The following SFMBT1 variants were observed in gnomAD, a reference collection of about 807,000 sequenced individuals.
SFMBT1 encodes Scm like with four mbt domains 1.
In SFMBT1, 32 loss-of-function variants were observed where a neutral mutation model predicts 108.7. That is an observed-to-expected ratio of 0.29 (90% CI 0.22 to 0.40). The LOEUF is 0.40. Ranked by LOEUF, SFMBT1 falls within the 10% of genes least tolerant of loss-of-function variation. SFMBT1 has a pLI of 1.00. For missense variants in SFMBT1, 816 were observed against 1,059.6 expected (o/e 0.77, Z 3.19); for synonymous variants, 348 against 369.5 (o/e 0.94, Z 0.67).
chr3:52,994,017 T>C (rs1013307209), intron 1 of SFMBT1, among the ~76,000 whole-genome samples: 5 of 150,410 alleles, frequency 3.3e-5, no homozygotes, highest in African/African-American at 1.2e-4. Context: ...ATCTTTATAA[T>C]ACAAGTAGAA....
chr3:52,935,386 A>G lies in SFMBT1; in HGVS notation c.365-485T>C, dbSNP rs568198102. On this transcript the variant is annotated intron_variant, in intron 4 of 20. Coordinates refer to ENST00000394752, the MANE Select transcript of SFMBT1 (RefSeq NM_016329.4). ...AACATGGCCATACCCATTTGTTTAC[A>G]TATTGTCTGTGGCTGCTTTCACACT... is the stretch of plus-strand genomic sequence containing the variant. 4.3e-4 allele frequency among the ~76,000 whole-genome samples: 65 copies of G among 152,346 alleles called. 1 individual carries two copies. The South Asian group carries it at 0.013, about 31-fold the overall frequency.
chr3:52,984,010 C>A (rs1704817281), intron 1 of SFMBT1, among the ~76,000 whole-genome samples: 1 of 152,130 alleles, frequency 6.6e-6, no homozygotes, highest in Non-Finnish European at 1.5e-5. Flanking sequence ...GTGTTGGTGG[C>A]TAGGTCTAGG....
chr3:52,912,045 T>C (rs138893305), intron 16 of SFMBT1, among the ~76,000 whole-genome samples: 41 of 152,240 alleles, frequency 2.7e-4, no homozygotes, highest in African/African-American at 9.4e-4. Context: ...ATTTTATAAA[T>C]GTATTGATCC....
intron 1 of SFMBT1, among the ~76,000 whole-genome samples, chr3:53,010,464 T>C (rs1698903246): frequency 6.6e-6 from 1 of 152,248 alleles, no homozygotes; most frequent in Non-Finnish European, 1.5e-5. Context: ...TGGTAAGCCC[T>C]TTCTAGTCCA....
At chr3:53,008,346 T>G (rs1348449432) in intron 1 of SFMBT1, among the ~76,000 whole-genome samples, 2 of 152,192 alleles carry the variant, frequency 1.3e-5, no homozygotes, top group African/African-American at 4.8e-5. Flanking sequence ...CTACTGTACT[T>G]GTAACTATTC....
chr3:52,919,295 T>C (rs9825369), intron 12 of SFMBT1, among the ~76,000 whole-genome samples: 86,649 of 142,142 alleles, frequency 0.61, 25,173 homozygotes, highest in East Asian at 0.68. Flanking sequence ...AACTGTTAAA[T>C]AGATAAACAA....
At chr3:53,025,610 G>A (rs1193572976) in intron 1 of SFMBT1, among the ~76,000 whole-genome samples, 1 of 151,526 alleles carries the variant, frequency 6.6e-6, no homozygotes, top group Non-Finnish European at 1.5e-5. Flanking sequence ...AGTGAACCCC[G>A]TCTTAAAAAA....
rs181635859 is a variant in SFMBT1, at chr3:53,002,091, G to T, written c.-130-32833C>A. On this transcript the variant is annotated intron_variant, in intron 1 of 20. Transcript: ENST00000394752. ...GTGCCATTTCTGAATTATAACAAAAGCAAGAGAGCTTAGAAATCATCCAGC... is the reference window on the plus strand; with the variant it reads ...GTGCCATTTCTGAATTATAACAAAATCAAGAGAGCTTAGAAATCATCCAGC... Among the ~76,000 whole-genome samples the T allele has an allele frequency of 1.1e-3, 167 of 150,088 alleles. 11 individuals are homozygous for T. The highest frequency in any genetic ancestry group is 7.8e-3 in the South Asian group (37 of 4,720).
At chr3:52,929,466 T>C (rs1433774496) in intron 8 of SFMBT1, among the ~76,000 whole-genome samples, 1 of 152,202 alleles carries the variant, frequency 6.6e-6, no homozygotes, top group Non-Finnish European at 1.5e-5. Context: ...CTTGAACTCC[T>C]GACCTCAGGT....
intron 3 of SFMBT1, among the ~76,000 whole-genome samples, chr3:52,952,006 C>A (rs1006086229): frequency 1.7e-4 from 26 of 152,244 alleles, no homozygotes; most frequent in African/African-American, 5.5e-4. Context: ...TATAAATGAA[C>A]AAAGAATAAT....
intron 17 of SFMBT1, among the ~76,000 whole-genome samples, 197 bp from the exon 18 acceptor site, chr3:52,907,930 A>G (rs1025623525): frequency 6.6e-6 from 1 of 152,186 alleles, no homozygotes; most frequent in Non-Finnish European, 1.5e-5. Context: ...CAAAGTATAT[A>G]GAACATCTTC....
intron 1 of SFMBT1, among the ~76,000 whole-genome samples, chr3:53,034,096 ATC>A (rs1422616226): frequency 2.4e-4 from 36 of 150,050 alleles, no homozygotes; most frequent in South Asian, 6.5e-4. Flanking sequence ...AAAAAAAAAA[ATC>A]AACAATTCCT....
chr3:53,008,145 TG>T (rs1395362547), intron 1 of SFMBT1, among the ~76,000 whole-genome samples: 2 of 151,122 alleles, frequency 1.3e-5, no homozygotes, highest in African/African-American at 4.9e-5. Flanking sequence ...GAATGGGGAA[TG>T]GGGGGGTGTG....
At chr3:53,000,220 C>A (rs1420802423) in intron 1 of SFMBT1, among the ~76,000 whole-genome samples, 3 of 146,366 alleles carry the variant, frequency 2.0e-5, no homozygotes, top group African/African-American at 7.4e-5. Context: ...CACGACACTT[C>A]GGTTTTATTC....
intron 2 of SFMBT1, among the ~76,000 whole-genome samples, chr3:52,956,714 T>C (rs913711083): frequency 4.6e-5 from 7 of 152,106 alleles, no homozygotes; most frequent in Admixed American, 4.6e-4. Flanking sequence ...TGAGCCGAGG[T>C]TGCGCCACTG....
At chr3:53,017,180 C>T (rs141010275) in intron 1 of SFMBT1, among the ~76,000 whole-genome samples, 3 of 152,236 alleles carry the variant, frequency 2.0e-5, no homozygotes, top group African/African-American at 7.2e-5. Flanking sequence ...AAGAAACACA[C>T]CCAAGCTGTT....
At chr3:52,999,072 A>G (rs962927566) in intron 1 of SFMBT1, among the ~76,000 whole-genome samples, 2 of 150,788 alleles carry the variant, frequency 1.3e-5, no homozygotes, top group African/African-American at 4.8e-5. Context: ...GCCCGAGGAC[A>G]TGCTCTTCAC....
rs557695772 is a variant in SFMBT1, at chr3:52,969,024, A to T, written c.28+77T>A. 132 of 1,553,782 alleles carry T rather than the reference A, an allele frequency of 8.5e-5. No individual in the cohort carries two copies. The South Asian group carries it at 1.4e-3, about 16-fold the overall frequency. On this transcript the variant is annotated intron_variant, in intron 2 of 20. Coordinates refer to ENST00000394752, the MANE Select transcript of SFMBT1 (RefSeq NM_016329.4). Reference sequence around the variant, plus strand: ...CAAAGAGCTTCCAGTTCAGTGGTAGAGAAACAGACAATATAACACAGGCAA... The same window carrying T: ...CAAAGAGCTTCCAGTTCAGTGGTAGTGAAACAGACAATATAACACAGGCAA...
intron 18 of SFMBT1, 60 bp from the exon 19 acceptor site, chr3:52,907,374 G>A (rs1357606255): frequency 1.3e-6 from 2 of 1,543,956 alleles, no homozygotes; most frequent in Non-Finnish European, 1.7e-6. Context: ...GGTTTCATAT[G>A]ATTAAAAAAA....
Sources: gnomAD v4.1 joint callset for allele counts (sites outside exome capture counted in the v4.1 genomes callset) on GRCh38, gnomAD v4.1.1 for gene constraint, MANE v1.5 for transcripts, NCBI Gene and HGNC (gene_info 2026-07-23, HGNC 2026-07-21) for gene names.